The following GMDS variants were observed in gnomAD, a reference collection of about 807,000 sequenced individuals.
The protein encoded by GMDS is GDP-mannose 4,6 dehydratase.
In GMDS, 20 loss-of-function variants were observed where a neutral mutation model predicts 49.9. The observed-to-expected ratio is 0.40, with a 90% CI of 0.28 to 0.58. The LOEUF (loss-of-function observed/expected upper bound fraction) is 0.58. Among genes scored for constraint, GMDS ranks in the 20% least tolerant of loss-of-function variants. The pLI is 0.42. For missense variants in GMDS, 362 were observed against 481.4 expected, an observed-to-expected ratio of 0.75 and a Z score of 2.32; for synonymous variants, 177 against 178.6, an observed-to-expected ratio of 0.99 and a Z score of 0.07.
chr6:1,898,880 G>C (rs887850537), intron 7 of GMDS, among the ~76,000 whole-genome samples: 5 of 152,272 alleles, frequency 3.3e-5, no homozygotes, highest in South Asian at 4.1e-4. Context: ...GACTGACGGG[G>C]CTCCTGCCCT....
At chr6:1,950,248 C>A (rs575369073) in intron 6 of GMDS, among the ~76,000 whole-genome samples, 8 of 152,140 alleles carry the variant, frequency 5.3e-5, no homozygotes, top group Non-Finnish European at 1.2e-4. Context: ...ATGCAGTGAA[C>A]CCTTCACACT....
At position 1,780,700 on chromosome 6, in the gene GMDS, C is replaced by T. The variant is rs146179611; in HGVS notation, c.772-38114G>A. On this transcript the variant is annotated intron_variant, in intron 7 of 10. Coordinates refer to ENST00000380815, the MANE Select transcript of GMDS (RefSeq NM_001500.4). ...AGGTGCCGGCAGCATCAACACGCAA[C>T]GGCTCACTGCCACCTCCCCAGGCTG... Among the ~76,000 whole-genome samples, 1,013 of 152,322 alleles carry T rather than the reference C, an allele frequency of 6.7e-3. 7 individuals are homozygous for T. Among genetic ancestry groups the T allele is most frequent in the African/African-American group, 0.02 (839 of 41,574 alleles).
chr6:1,961,067 T>A lies in GMDS; in HGVS notation c.346-101A>T, dbSNP rs558616268. 6 of 574,478 alleles carry A rather than the reference T, an allele frequency of 1.0e-5. No individual in the cohort carries two copies. In the South Asian group the frequency reaches 2.1e-4, roughly 20 times the overall value. 35.6% of individuals were successfully genotyped at this position (574,478 alleles called of 1,614,324 possible). ...TACAATTTCACACACTGTGAAATGTTGGTGAGAAAATATTATTTTCTAACA... is the reference window on the plus strand; with the variant it reads ...TACAATTTCACACACTGTGAAATGTAGGTGAGAAAATATTATTTTCTAACA... On this transcript the variant is annotated intron_variant, in intron 4 of 10. Coordinates refer to ENST00000380815, the MANE Select transcript of GMDS (RefSeq NM_001500.4).
intron 1 of GMDS, among the ~76,000 whole-genome samples, chr6:2,220,654 G>A (rs576303337): frequency 4.0e-5 from 6 of 151,852 alleles, no homozygotes; most frequent in East Asian, 1.9e-4. Flanking sequence ...AATTACCTTC[G>A]GGCTATGTGT....
chr6:1,687,921 G>C (rs919869463), intron 9 of GMDS, among the ~76,000 whole-genome samples: 1 of 152,134 alleles, frequency 6.6e-6, no homozygotes, highest in African/African-American at 2.4e-5. Flanking sequence ...GAAGGACCTG[G>C]AATTCCACTG....
chr6:1,626,816 A>T lies in GMDS; in HGVS notation c.988-2276T>A, dbSNP rs909176667. 4.6e-5 allele frequency among the ~76,000 whole-genome samples: 7 copies of T among 152,250 alleles called. 1 individual carries two copies. Among genetic ancestry groups the T allele is most frequent in the Admixed American group, 4.6e-4 (7 of 15,286 alleles). ...TCCTGTAGTTTTCTACAAGTAGCTC[A>T]CAATATAAAAACAACCAGGGAACTA... On this transcript the variant is annotated intron_variant, in intron 9 of 10. Transcript: ENST00000380815.
At chr6:2,201,345 A>G (rs1779523973) in intron 1 of GMDS, among the ~76,000 whole-genome samples, 1 of 133,804 alleles carries the variant, frequency 7.5e-6, no homozygotes, top group East Asian at 2.4e-4. Flanking sequence ...ATGTTAGCAG[A>G]GAGGTGAAGG....
chr6:1,948,872 T>C (rs1190231606), intron 6 of GMDS, among the ~76,000 whole-genome samples: 2 of 152,206 alleles, frequency 1.3e-5, no homozygotes, highest in African/African-American at 4.8e-5. Context: ...TTTATTTTTT[T>C]GCAATTCACG....
intron 7 of GMDS, among the ~76,000 whole-genome samples, chr6:1,824,242 C>T (rs967798297): frequency 6.6e-6 from 1 of 152,072 alleles, no homozygotes; most frequent in Non-Finnish European, 1.5e-5. Context: ...TTGCACCATT[C>T]CAGGGGCTGC....
At chr6:2,014,192 C>T (rs2127397944) in intron 4 of GMDS, among the ~76,000 whole-genome samples, 1 of 142,788 alleles carries the variant, frequency 7.0e-6, no homozygotes, top group South Asian at 2.3e-4. Flanking sequence ...GGAGACCTGC[C>T]TGGCAAGAAA....
intron 7 of GMDS, among the ~76,000 whole-genome samples, chr6:1,799,330 G>A (rs1489022341): frequency 6.6e-6 from 1 of 152,104 alleles, no homozygotes; most frequent in Non-Finnish European, 1.5e-5. Context: ...AATCTCTAAC[G>A]ATGATATGCT....
chr6:1,745,054 T>A (rs1767428404), intron 7 of GMDS, among the ~76,000 whole-genome samples: 1 of 152,196 alleles, frequency 6.6e-6, no homozygotes, highest in Non-Finnish European at 1.5e-5. Flanking sequence ...TTAGGAAAAA[T>A]TAAATGATGC....
intron 4 of GMDS, among the ~76,000 whole-genome samples, chr6:2,012,000 A>C (rs1021234961): frequency 3.9e-5 from 6 of 152,222 alleles, no homozygotes; most frequent in South Asian, 2.1e-4. Flanking sequence ...TCTTAAGTGA[A>C]ATAGCTCAGA....
intron 7 of GMDS, among the ~76,000 whole-genome samples, chr6:1,892,509 C>T (rs535825428): frequency 9.2e-5 from 14 of 152,226 alleles, no homozygotes; most frequent in African/African-American, 3.4e-4. Flanking sequence ...CAGGTGCACA[C>T]CACCATGCCT....
At position 1,876,640 on chromosome 6, in the gene GMDS, T is replaced by C. The variant is rs544546239; in HGVS notation, c.771+53463A>G. Among the ~76,000 whole-genome samples the C allele has an allele frequency of 1.3e-5, 2 of 152,304 alleles. 1 individual carries two copies. Among genetic ancestry groups the C allele is most frequent in the African/African-American group, 4.8e-5 (2 of 41,572 alleles). Reference sequence around the variant, plus strand: ...GTAATAACAATACTAACTTGTGCTATTGTGACAACTGATGAAAGGAGGTTA... The same window carrying C: ...GTAATAACAATACTAACTTGTGCTACTGTGACAACTGATGAAAGGAGGTTA... On this transcript the variant is annotated intron_variant, in intron 7 of 10. Transcript: ENST00000380815.
chr6:1,732,594 C>T (rs921612282), intron 8 of GMDS, among the ~76,000 whole-genome samples: 49 of 152,240 alleles, frequency 3.2e-4, no homozygotes, highest in African/African-American at 1.0e-3. Context: ...GAGATAAATG[C>T]CAAAATAATT....
intron 1 of GMDS, among the ~76,000 whole-genome samples, chr6:2,207,292 C>G (rs922393585): frequency 6.6e-6 from 1 of 151,904 alleles, no homozygotes; most frequent in Non-Finnish European, 1.5e-5. Context: ...GGTAAAGGCA[C>G]AGGGGACATG....
At chr6:1,865,087 C>T (rs371772436) in intron 7 of GMDS, among the ~76,000 whole-genome samples, 4 of 152,332 alleles carry the variant, frequency 2.6e-5, no homozygotes, top group Non-Finnish European at 1.5e-5. Context: ...TCTCTCTCTT[C>T]AGGGATTATC....
chr6:1,746,788 G>A (rs1177974535), intron 7 of GMDS, among the ~76,000 whole-genome samples: 3 of 151,928 alleles, frequency 2.0e-5, no homozygotes, highest in Non-Finnish European at 4.4e-5. Context: ...TGCAACCTCC[G>A]CCTCCCGGGT....
Sources: gnomAD v4.1 joint callset for allele counts (sites outside exome capture counted in the v4.1 genomes callset) on GRCh38, gnomAD v4.1.1 for gene constraint, MANE v1.5 for transcripts, NCBI Gene and HGNC (gene_info 2026-07-23, HGNC 2026-07-21) for gene names.